The following LPGAT1 variants were observed in gnomAD, a reference collection of about 807,000 sequenced individuals.
The protein encoded by LPGAT1 is acyl-CoA:lysophosphatidylglycerol acyltransferase 1.
LPGAT1 carries 11 observed loss-of-function variants against 47.5 expected under a neutral mutation model. The observed-to-expected ratio is 0.23, with a 90% confidence interval of 0.15 to 0.38. The LOEUF (loss-of-function observed/expected upper bound fraction) is 0.38. Ranked by LOEUF, LPGAT1 falls within the 10% of genes least tolerant of loss-of-function variation. The pLI is 1.00. For synonymous variants in LPGAT1, 138 were observed against 144.2 expected, an observed-to-expected ratio of 0.96 and a Z score of 0.31; for missense variants, 293 against 439.0, an observed-to-expected ratio of 0.67 and a Z score of 2.97.
chr1:211,779,137 C>T, intron 5 of LPGAT1, 93 bp from the exon 6 acceptor site: 1 of 983,944 alleles, frequency 1.0e-6, no homozygotes, highest in Non-Finnish European at 1.4e-6. Flanking sequence ...TAAGATATAT[C>T]ACTATACCTT....
chr1:211,812,624 T>C (rs1441922090), intron 2 of LPGAT1, among the ~76,000 whole-genome samples: 1 of 152,226 alleles, frequency 6.6e-6, no homozygotes, highest in Non-Finnish European at 1.5e-5. Context: ...TGTTACTTTA[T>C]ATGATAAAAA....
chr1:211,819,199 T>A (rs988568776), intron 2 of LPGAT1, among the ~76,000 whole-genome samples: 3 of 151,956 alleles, frequency 2.0e-5, no homozygotes, highest in African/African-American at 7.3e-5. Flanking sequence ...AAAACAAAAA[T>A]ATAAAAATCC....
At chr1:211,814,354 G>A (rs1367821380) in intron 2 of LPGAT1, among the ~76,000 whole-genome samples, 1 of 152,160 alleles carries the variant, frequency 6.6e-6, no homozygotes, top group East Asian at 1.9e-4. Context: ...GGTTAGACAG[G>A]CAGGTAGAAA....
chr1:211,772,905 T>C (rs1254593853), intron 6 of LPGAT1, among the ~76,000 whole-genome samples: 1 of 152,222 alleles, frequency 6.6e-6, no homozygotes, highest in Non-Finnish European at 1.5e-5. Context: ...CAAAATGATA[T>C]ATTAATCAAA....
At chr1:211,814,193 G>A (rs1558281838) in intron 2 of LPGAT1, among the ~76,000 whole-genome samples, 1 of 152,174 alleles carries the variant, frequency 6.6e-6, no homozygotes, top group African/African-American at 2.4e-5. Context: ...TACTTAATAT[G>A]CGTATGGATT....
chr1:211,794,668 ATCT>A (rs1659277861), intron 2 of LPGAT1, among the ~76,000 whole-genome samples: 1 of 152,120 alleles, frequency 6.6e-6, no homozygotes, highest in Non-Finnish European at 1.5e-5. Context: ...TCTGCAAAGA[ATCT>A]TCTAGCATTT....
chr1:211,825,188 CTTTTTTTTTTTTTTT>C (rs953536979), intron 2 of LPGAT1, among the ~76,000 whole-genome samples: 1 of 70,860 alleles, frequency 1.4e-5, no homozygotes, highest in African/African-American at 5.8e-5. Context: ...GCACAGTCTT[CTTTTTTTTTTTTTTT>C]TTTTTTTTTT....
In LPGAT1 at chr1:211,747,856, T is replaced by C. The variant is rs778478882; in HGVS notation, c.*2043A>G. 7.9e-5 allele frequency: 12 copies of C among 152,224 alleles called. No individual in the cohort carries two copies. The highest frequency in any genetic ancestry group is 1.3e-4 in the Non-Finnish European group (9 of 67,924). 9.4% of individuals were successfully genotyped at this position (152,224 alleles called of 1,614,324 possible). On this transcript the variant is annotated 3_prime_UTR_variant, in exon 8 of 8. Coordinates refer to ENST00000366997, the MANE Select transcript of LPGAT1 (RefSeq NM_014873.3). Reference sequence around the variant, plus strand: ...GAACACATAATGAAATGCTTAGATTTAAAAAAAAATTGCATTTTATAACAA... The same window carrying C: ...GAACACATAATGAAATGCTTAGATTCAAAAAAAAATTGCATTTTATAACAA...
chr1:211,750,921 G>T, intron 7 of LPGAT1, 40 bp downstream of exon 7: 1 of 1,389,800 alleles, frequency 7.2e-7, no homozygotes, highest in Non-Finnish European at 1.0e-6. Flanking sequence ...TTTCATTACT[G>T]TTGCTATAAT....
intron 2 of LPGAT1, among the ~76,000 whole-genome samples, chr1:211,809,040 AC>A (rs1659867476): frequency 6.6e-6 from 1 of 151,040 alleles, no homozygotes; most frequent in African/African-American, 2.4e-5. Context: ...AACTAAAAAT[AC>A]AAAAAAAAAA....
intron 6 of LPGAT1, among the ~76,000 whole-genome samples, chr1:211,771,502 TTTA>T (rs1658170281): frequency 6.6e-6 from 1 of 152,142 alleles, no homozygotes; most frequent in South Asian, 2.1e-4. Flanking sequence ...TTCACTTATT[TTTA>T]TTATTATTAT....
At chr1:211,827,481 C>T (rs1660574008) in intron 2 of LPGAT1, among the ~76,000 whole-genome samples, 2 of 152,228 alleles carry the variant, frequency 1.3e-5, no homozygotes, top group Admixed American at 1.3e-4. Context: ...ATACACTATA[C>T]ACACGCACAA....
Position 211,749,718 on chromosome 1 carries a change from T to C in LPGAT1, c.*181A>G, listed in dbSNP as rs1020751782. The stretch of plus-strand genomic sequence containing the variant: ...CTTAAAATATATTAGCAGGTCATTA[T>C]ATTACTAATCCTCATTTTAGTAGAT... On this transcript the variant is annotated 3_prime_UTR_variant, in exon 8 of 8. Coordinates refer to ENST00000366997, the MANE Select transcript of LPGAT1 (RefSeq NM_014873.3). 3.2e-5 allele frequency: 20 copies of C among 620,260 alleles called. No homozygotes were observed. The highest frequency in any genetic ancestry group is 8.8e-4 in the Middle Eastern group (2 of 2,276). 38.4% of individuals were successfully genotyped at this position (620,260 alleles called of 1,614,324 possible).
intron 2 of LPGAT1, among the ~76,000 whole-genome samples, chr1:211,795,517 G>C (rs561838958): frequency 6.6e-6 from 1 of 152,040 alleles, no homozygotes; most frequent in Admixed American, 6.6e-5. Context: ...ACAGGCATGC[G>C]CCACCACGCC....
intron 6 of LPGAT1, among the ~76,000 whole-genome samples, chr1:211,756,799 CTGAG>C (rs894966565): frequency 4.6e-5 from 7 of 151,810 alleles, no homozygotes; most frequent in African/African-American, 1.7e-4. Context: ...ATATGCCTCA[CTGAG>C]TGAGTGAGTG....
intron 4 of LPGAT1, among the ~76,000 whole-genome samples, chr1:211,785,919 G>A (rs1044484733): frequency 2.0e-5 from 3 of 151,974 alleles, no homozygotes; most frequent in African/African-American, 7.2e-5. Flanking sequence ...TCTTCTTGAT[G>A]CCTGATGATC....
chr1:211,770,048 A>C (rs1455616169), intron 6 of LPGAT1, among the ~76,000 whole-genome samples: 1 of 152,216 alleles, frequency 6.6e-6, no homozygotes, highest in South Asian at 2.1e-4. Flanking sequence ...AAAATCTGTT[A>C]AGTATATTCC....
At chr1:211,755,875 C>T (rs1396496331) in intron 6 of LPGAT1, among the ~76,000 whole-genome samples, 3 of 152,084 alleles carry the variant, frequency 2.0e-5, no homozygotes, top group African/African-American at 4.8e-5. Context: ...AATATAAAAG[C>T]GTTTTGGTTG....
rs536162466 is a variant in LPGAT1 at position 211,793,621 on chromosome 1, T to C, written c.239-431A>G. On this transcript the variant is annotated intron_variant, in intron 2 of 7. Transcript: ENST00000366997. ...CTGATTTTTGTATTTTTAGTAGAGA[T>C]GGGGTTTCACCATATTGGCCAGGCT... Among the ~76,000 whole-genome samples the C allele has an allele frequency of 4.1e-4, 63 of 151,932 alleles. 1 individual carries two copies. Among genetic ancestry groups the C allele is most frequent in the Non-Finnish European group, 8.4e-4 (57 of 67,980 alleles).
Sources: gnomAD v4.1 joint callset for allele counts (sites outside exome capture counted in the v4.1 genomes callset) on GRCh38, gnomAD v4.1.1 for gene constraint, MANE v1.5 for transcripts, NCBI Gene and HGNC (gene_info 2026-07-23, HGNC 2026-07-21) for gene names.